Variants in STK10 observed in about 807,000 individuals in gnomAD.
STK10 encodes serine/threonine-protein kinase 10.
STK10 carries 78 observed loss-of-function variants against 113.8 expected under a neutral mutation model. That is an observed-to-expected ratio of 0.69 (90% CI 0.57 to 0.83). The LOEUF (loss-of-function observed/expected upper bound fraction) is 0.83, where lower values mean the gene tolerates loss of function less well. Ranked by LOEUF, STK10 falls within the 40% of genes least tolerant of loss-of-function variation. The pLI is 0.00. For missense variants in STK10, 1,109 were observed against 1,280.1 expected, an observed-to-expected ratio of 0.87 and a Z score of 2.04; for synonymous variants, 465 against 494.7, an observed-to-expected ratio of 0.94 and a Z score of 0.80.
rs769740790 is a variant in STK10 at position 172,053,006 on chromosome 5, G to C, written c.2689C>G (p.Gln897Glu). 29 of 1,614,068 alleles carry C rather than the reference G, an allele frequency of 1.8e-5. No homozygotes were observed. The highest frequency in any genetic ancestry group is 3.3e-4 in the Middle Eastern group (2 of 6,084). The change falls in exon 18 of 19, where the codon CAG becomes GAG. Residue 897 changes from glutamine to glutamate, a missense_variant. Physicochemically the swap from Gln to Glu is conservative, Grantham distance 29. Transcript: ENST00000176763. ...KCHLLVEHET[Q>E]KLKALDESHN... Reference sequence around the variant, plus strand: ...CTCTCATCCAGGGCCTTCAGTTTCTGGGTTTCGTGCTCTACCAGGAGGTGG... The same window carrying C: ...CTCTCATCCAGGGCCTTCAGTTTCTCGGTTTCGTGCTCTACCAGGAGGTGG...
intron 9 of STK10, chr5:172,092,962 T>C (rs1768752963): frequency 6.4e-6 from 1 of 157,262 alleles, no homozygotes; most frequent in Admixed American, 6.1e-5. Flanking sequence ...TAAAGCACTT[T>C]GTACAGGGTT....
intron 16 of STK10, among the ~76,000 whole-genome samples, 165 bp from the exon 17 acceptor site, chr5:172,054,859 T>C (rs1767711151): frequency 6.6e-6 from 1 of 152,286 alleles, no homozygotes; most frequent in South Asian, 2.1e-4. Flanking sequence ...GTCCTCACCC[T>C]GAGCTGAGAC....
At chr5:172,160,079 T>C (rs914375615) in intron 1 of STK10, among the ~76,000 whole-genome samples, 4 of 151,298 alleles carry the variant, frequency 2.6e-5, no homozygotes, top group African/African-American at 9.8e-5. Context: ...GAGATTGCAG[T>C]GAGCCGAGAT....
chr5:172,044,785 G>C lies in STK10; in HGVS notation c.*97C>G. On this transcript the variant is annotated 3_prime_UTR_variant, in exon 19 of 19. Coordinates refer to ENST00000176763, the MANE Select transcript of STK10 (RefSeq NM_005990.4). This position sits in a 1 kb window ranked among gnomAD's most constrained non-coding sequence, Gnocchi z 4.5. ...GGGCTGGATTTGAGCTGGCACAGAC[G>C]CAAGAGGGAAAAGGGGTCCTGAGTT... is the stretch of plus-strand genomic sequence containing the variant. 4.4e-6 allele frequency: 7 copies of C among 1,592,180 alleles called. No homozygotes were observed. Among genetic ancestry groups the C allele is most frequent in the Middle Eastern group, 2.2e-4 (1 of 4,632 alleles).
chr5:172,141,872 A>G (rs1017455675), intron 2 of STK10, among the ~76,000 whole-genome samples: 5 of 152,194 alleles, frequency 3.3e-5, no homozygotes, highest in Non-Finnish European at 5.9e-5. Context: ...CCATCAGTTT[A>G]GATCGAGCAG....
At chr5:172,056,512 G>T (rs1331254658) in intron 15 of STK10, among the ~76,000 whole-genome samples, 1 of 151,978 alleles carries the variant, frequency 6.6e-6, no homozygotes, top group African/African-American at 2.4e-5. Flanking sequence ...AAGAAAGAGA[G>T]AAATAAAGAC....
At chr5:172,182,629 T>C (rs958944053) in intron 1 of STK10, among the ~76,000 whole-genome samples, 3 of 149,710 alleles carry the variant, frequency 2.0e-5, no homozygotes, top group Non-Finnish European at 3.0e-5. Context: ...TCTCAGCTCA[T>C]TGCAACCTCC....
chr5:172,057,645 G>A (rs1165191335), intron 14 of STK10, among the ~76,000 whole-genome samples, 172 bp from the exon 15 acceptor site: 2 of 152,220 alleles, frequency 1.3e-5, no homozygotes, highest in African/African-American at 2.4e-5. Context: ...GATCTGAGCT[G>A]AGGCCTAGAA....
chr5:172,094,269 G>A (rs1225782752), intron 8 of STK10, among the ~76,000 whole-genome samples: 3 of 152,216 alleles, frequency 2.0e-5, no homozygotes, highest in Non-Finnish European at 2.9e-5. Context: ...AGGGGTCAGT[G>A]GCCGCTCCAT....
chr5:172,161,219 A>G (rs2113822860), intron 1 of STK10, among the ~76,000 whole-genome samples: 1 of 152,280 alleles, frequency 6.6e-6, no homozygotes, highest in Non-Finnish European at 1.5e-5. Context: ...TGGGAAGCTG[A>G]GATGGGTGGA....
Position 172,054,582 on chromosome 5 carries a change from A to G in STK10, c.2639T>C (p.Leu880Pro), listed in dbSNP as rs1314527723. Residue 880 changes from leucine (L) to proline (P), a missense_variant, in exon 17 of 19, where the codon CTG (leucine) becomes CCG (proline). Leu to Pro is a moderately conservative substitution (Grantham distance 98, BLOSUM62 -3). Transcript: ENST00000176763. ...LAQCESNMSE[L>P]QQLQNEKCHL... Reference sequence around the variant, plus strand: ...GCAGGGCGGTACCTGCAGCTGCTGCAGCTCGCTCATGTTGCTCTCACACTG... The same window carrying G: ...GCAGGGCGGTACCTGCAGCTGCTGCGGCTCGCTCATGTTGCTCTCACACTG... 1 of 1,607,192 alleles carries G rather than the reference A, an allele frequency of 6.2e-7. No individual in the cohort carries two copies. Among genetic ancestry groups the G allele is most frequent in the Admixed American group, 1.7e-5 (1 of 59,942 alleles).
intron 18 of STK10, among the ~76,000 whole-genome samples, chr5:172,046,433 T>C (rs926390051): frequency 6.0e-4 from 91 of 152,152 alleles, no homozygotes; most frequent in African/African-American, 1.8e-3. Flanking sequence ...TTCCAGCACA[T>C]AGGCTATCAG....
At chr5:172,130,763 T>C (rs1031107983) in intron 2 of STK10, among the ~76,000 whole-genome samples, 2 of 152,118 alleles carry the variant, frequency 1.3e-5, no homozygotes, top group Non-Finnish European at 2.9e-5. Flanking sequence ...TCCAACTTCA[T>C]TGAGAAAGTT....
At chr5:172,119,046 C>T (rs976441406) in intron 3 of STK10, among the ~76,000 whole-genome samples, 1 of 151,938 alleles carries the variant, frequency 6.6e-6, no homozygotes, top group Non-Finnish European at 1.5e-5. Flanking sequence ...CCAGAGAGGC[C>T]GGAGGGCTGG....
intron 7 of STK10, among the ~76,000 whole-genome samples, chr5:172,102,043 T>C (rs981742970): frequency 2.0e-5 from 3 of 151,932 alleles, no homozygotes; most frequent in Non-Finnish European, 2.9e-5. Context: ...CGGGAGCCAC[T>C]GGGGAGCTTT....
intron 10 of STK10, among the ~76,000 whole-genome samples, chr5:172,090,028 A>T (rs1768661662): frequency 6.6e-6 from 1 of 151,994 alleles, no homozygotes; most frequent in Non-Finnish European, 1.5e-5. Flanking sequence ...TGGGTGAATA[A>T]ATGAATGGAT....
intron 1 of STK10, among the ~76,000 whole-genome samples, chr5:172,176,254 A>G (rs1770756237): frequency 6.6e-6 from 1 of 152,224 alleles, no homozygotes; most frequent in South Asian, 2.1e-4. Context: ...GAATTCCTCC[A>G]GGTTCCCAGA....
At chr5:172,058,544 A>G (rs1176396926) in intron 14 of STK10, among the ~76,000 whole-genome samples, 1 of 152,204 alleles carries the variant, frequency 6.6e-6, no homozygotes, top group Non-Finnish European at 1.5e-5. Context: ...GACCGTCAAA[A>G]GTCCACAGGC....
At chr5:172,180,557 G>A (rs556815235) in intron 1 of STK10, among the ~76,000 whole-genome samples, 262 of 152,110 alleles carry the variant, frequency 1.7e-3, no homozygotes, top group African/African-American at 6.2e-3. Flanking sequence ...TTGGGAGGCC[G>A]AGGCAGGCGG....
Sources: gnomAD v4.1 joint callset for allele counts (sites outside exome capture counted in the v4.1 genomes callset) on GRCh38, gnomAD v4.1.1 for gene constraint, Gnocchi (gnomAD v3.1) non-coding constraint, MANE v1.5 for transcripts, NCBI Gene and HGNC (gene_info 2026-07-23, HGNC 2026-07-21) for gene names.